NRXN3: variants seen among roughly 807,000 people sequenced by gnomAD.
NRXN3 encodes the protein neurexin III.
A neutral mutation model predicts 137.6 loss-of-function variants in NRXN3; 32 were observed. That is an observed-to-expected ratio of 0.23 (90% CI 0.18 to 0.31). The LOEUF (loss-of-function observed/expected upper bound fraction) is 0.31. NRXN3 is among the 10% of genes least tolerant of loss of function. NRXN3 has a pLI of 1.00. For synonymous variants in NRXN3, 798 were observed against 784.5 expected (o/e 1.02, Z -0.29); for missense variants, 1,574 against 2,062.5 (o/e 0.76, Z 4.59).
At chr14:79,141,485 G>C (rs913515794) in intron 15 of NRXN3, among the ~76,000 whole-genome samples, 2 of 152,130 alleles carry the variant, frequency 1.3e-5, no homozygotes, top group Non-Finnish European at 2.9e-5. Flanking sequence ...TTGATATATT[G>C]AGGGCAAATA....
intron 10 of NRXN3, among the ~76,000 whole-genome samples, chr14:78,843,342 T>A (rs2099017946): frequency 6.6e-6 from 1 of 152,148 alleles, no homozygotes; most frequent in Non-Finnish European, 1.5e-5. Context: ...CATATTTTGG[T>A]AAGACACGTA....
At position 79,861,223 on chromosome 14, in the gene NRXN3, C is replaced by T. The variant is rs1359763070; in HGVS notation, c.4094-119C>T. 53 of 1,534,252 alleles carry T rather than the reference C, an allele frequency of 3.5e-5. No individual in the cohort carries two copies. Among genetic ancestry groups the T allele is most frequent in the Non-Finnish European group, 4.5e-5 (52 of 1,146,016 alleles). ...TACCTTGCTTGTCGGACCAAGGCAG[C>T]GATGGTTGTGATGATGATGGCTTGG... On this transcript the variant is annotated intron_variant, in intron 20 of 20. Coordinates refer to ENST00000335750, the MANE Select transcript of NRXN3 (RefSeq NM_001330195.2). The surrounding 1 kb of genome is among the most constrained non-coding windows in gnomAD (Gnocchi z 5.4).
intron 4 of NRXN3, among the ~76,000 whole-genome samples, chr14:78,611,061 T>C (rs1467600703): frequency 6.6e-6 from 1 of 151,992 alleles, no homozygotes; most frequent in Non-Finnish European, 1.5e-5. Flanking sequence ...TTGCTCCCCC[T>C]CCACCCAACT....
chr14:79,263,221 T>C (rs1410642481), intron 15 of NRXN3, among the ~76,000 whole-genome samples: 1 of 152,228 alleles, frequency 6.6e-6, no homozygotes, highest in Non-Finnish European at 1.5e-5. Flanking sequence ...TCTCCATGTT[T>C]TCAGCCACAG....
chr14:79,370,895 A>C (rs1279169546), intron 15 of NRXN3, among the ~76,000 whole-genome samples: 1 of 152,226 alleles, frequency 6.6e-6, no homozygotes, highest in Non-Finnish European at 1.5e-5. Context: ...CTTTACAAGC[A>C]TTATCTTAAA....
At chr14:79,323,239 A>G (rs551550158) in intron 15 of NRXN3, among the ~76,000 whole-genome samples, 1 of 152,210 alleles carries the variant, frequency 6.6e-6, no homozygotes, top group South Asian at 2.1e-4. Flanking sequence ...ACAAGCTCTC[A>G]CTATGTTGCC....
chr14:78,397,064 T>C (rs1216954107), intron 4 of NRXN3, among the ~76,000 whole-genome samples: 1 of 152,202 alleles, frequency 6.6e-6, no homozygotes, highest in Non-Finnish European at 1.5e-5. Context: ...CAAGTACAGT[T>C]ACGTTGGGAG....
intron 4 of NRXN3, among the ~76,000 whole-genome samples, chr14:78,369,285 CAAA>C (rs773266627): frequency 7.6e-6 from 1 of 132,366 alleles, no homozygotes; most frequent in Admixed American, 7.6e-5. Flanking sequence ...AAGGTTTTTG[CAAA>C]AAAAAAAAAA....
At chr14:79,182,406 C>T (rs1260087023) in intron 15 of NRXN3, among the ~76,000 whole-genome samples, 2 of 151,588 alleles carry the variant, frequency 1.3e-5, no homozygotes, top group African/African-American at 2.4e-5. Context: ...TAGATAGTCC[C>T]ATATGGTGGT....
chr14:79,058,880 G>A (rs779716294), intron 15 of NRXN3, among the ~76,000 whole-genome samples: 4 of 152,114 alleles, frequency 2.6e-5, no homozygotes, highest in Non-Finnish European at 4.4e-5. Context: ...CATGTGAGAA[G>A]GTCCAAGATT....
At chr14:79,790,615 CTTTT>C (rs34493154) in intron 19 of NRXN3, among the ~76,000 whole-genome samples, 22 of 73,112 alleles carry the variant, frequency 3.0e-4, no homozygotes, top group Non-Finnish European at 1.0e-4. Flanking sequence ...GGCCCAGGCT[CTTTT>C]TTTTTTTTTT....
chr14:78,410,736 T>A (rs2092778056), intron 4 of NRXN3, among the ~76,000 whole-genome samples: 1 of 152,212 alleles, frequency 6.6e-6, no homozygotes, highest in African/African-American at 2.4e-5. Context: ...TCTGGCAGAC[T>A]CCTTCTGAGG....
chr14:79,194,059 T>A (rs1278420947), intron 15 of NRXN3, among the ~76,000 whole-genome samples: 1 of 152,214 alleles, frequency 6.6e-6, no homozygotes, highest in Admixed American at 6.5e-5. Context: ...TAGTCTAATG[T>A]AATTAGCGCA....
chr14:79,748,115 G>T (rs1017226209), intron 19 of NRXN3, among the ~76,000 whole-genome samples: 1 of 152,002 alleles, frequency 6.6e-6, no homozygotes, highest in African/African-American at 2.4e-5. Context: ...GTGATGGGTT[G>T]ATAGCTGCAA....
chr14:79,117,538 G>A (rs1197786437), intron 15 of NRXN3, among the ~76,000 whole-genome samples: 2 of 152,082 alleles, frequency 1.3e-5, no homozygotes, highest in Admixed American at 1.3e-4. Flanking sequence ...TAAAAGCATG[G>A]ACTATCTCTT....
intron 15 of NRXN3, among the ~76,000 whole-genome samples, chr14:79,045,473 C>T (rs1179279745): frequency 6.6e-6 from 1 of 152,202 alleles, no homozygotes; most frequent in Non-Finnish European, 1.5e-5. Context: ...GCAAAGGCTG[C>T]TGCAGAGACT....
intron 19 of NRXN3, among the ~76,000 whole-genome samples, chr14:79,699,291 A>AT (rs1399856022): frequency 4.0e-5 from 6 of 151,508 alleles, no homozygotes; most frequent in African/African-American, 4.9e-5. Flanking sequence ...TATTTCTATT[A>AT]TGACTCTCTC....
intron 19 of NRXN3, chr14:79,791,391 A>G (rs1281081050): frequency 6.6e-6 from 1 of 150,788 alleles, no homozygotes; most frequent in Admixed American, 6.6e-5. Flanking sequence ...TCCGAAGTTT[A>G]GAGAACATAA....
chr14:79,163,113 A>G (rs981892451), intron 15 of NRXN3, among the ~76,000 whole-genome samples: 9 of 151,974 alleles, frequency 5.9e-5, no homozygotes, highest in South Asian at 2.1e-4. Context: ...TCAAACAGAG[A>G]ACCTGATAAG....
Sources: gnomAD v4.1 joint callset for allele counts (sites outside exome capture counted in the v4.1 genomes callset) on GRCh38, gnomAD v4.1.1 for gene constraint, Gnocchi (gnomAD v3.1) non-coding constraint, MANE v1.5 for transcripts, NCBI Gene and HGNC (gene_info 2026-07-23, HGNC 2026-07-21) for gene names.